The following MPP7 variants were observed in gnomAD, a reference collection of about 807,000 sequenced individuals.
MPP7 encodes the protein MAGUK p55 scaffold protein 7.
Under a neutral mutation model 76.5 loss-of-function variants are expected in MPP7, and 60 were observed. That is an observed-to-expected ratio of 0.78 (90% CI 0.64 to 0.97). The LOEUF (loss-of-function observed/expected upper bound fraction) is 0.97. MPP7 is among the 50% of genes least tolerant of loss of function. The pLI is 0.00. For missense variants in MPP7, 641 were observed against 694.0 expected (o/e 0.92, Z 0.86); for synonymous variants, 237 against 244.5 (o/e 0.97, Z 0.29).
chr10:28,168,881 C>T lies in MPP7; in HGVS notation c.157-18822G>A, dbSNP rs150223203. Reference sequence around the variant, plus strand: ...TTTCAAATTTATATTCATAACCCATCTAAAATTGATTTTGGTTTATGATGT... The same window carrying T: ...TTTCAAATTTATATTCATAACCCATTTAAAATTGATTTTGGTTTATGATGT... On this transcript the variant is annotated intron_variant, in intron 3 of 16. Transcript: ENST00000683449. Among the ~76,000 whole-genome samples, 376 of 152,280 alleles carry T rather than the reference C, an allele frequency of 2.5e-3. 1 individual carries two copies. The highest frequency in any genetic ancestry group is 2.7e-3 in the Non-Finnish European group (183 of 68,032).
intron 13 of MPP7, among the ~76,000 whole-genome samples, chr10:28,064,926 A>G (rs1224415407): frequency 1.3e-5 from 2 of 152,138 alleles, no homozygotes; most frequent in Non-Finnish European, 2.9e-5. Flanking sequence ...GCAGCAGAAA[A>G]ATACCCTACT....
Position 28,124,080 on chromosome 10 carries a change from T to C in MPP7, c.566A>G (p.Asn189Ser), listed in dbSNP as rs747368673. The change falls in exon 8 of 17, where the codon AAC (asparagine) becomes AGC (serine). Residue 189 changes from asparagine (N) to serine (S), a missense_variant. Transcript: ENST00000683449. Reference protein sequence around the residue: ...IHVGDELREVNGIPVEDKRPE... With the variant: ...IHVGDELREVSGIPVEDKRPE... ...CCTTTTATCCTCCACTGGTATCCCG[T>C]TGACTTCCCTAAGTTCATCACCAAC... The C allele has an allele frequency of 2.4e-5, 39 of 1,612,758 alleles. No individual in the cohort carries two copies. Among genetic ancestry groups the C allele is most frequent in the Non-Finnish European group, 2.3e-5 (27 of 1,178,948 alleles).
intron 11 of MPP7, among the ~76,000 whole-genome samples, chr10:28,113,180 CACT>C: frequency 6.6e-6 from 1 of 152,288 alleles, no homozygotes; most frequent in Admixed American, 6.5e-5. Flanking sequence ...TCTTTACACC[CACT>C]ATTTAGAACT....
At chr10:28,256,327 G>GAAA (rs200425685) in intron 1 of MPP7, among the ~76,000 whole-genome samples, 1 of 99,970 alleles carries the variant, frequency 1.0e-5, no homozygotes, top group African/African-American at 3.5e-5. Flanking sequence ...TGCTTTCAGG[G>GAAA]AAAAAAAAAA....
At chr10:28,096,977 TCTC>T (rs1853599572) in intron 11 of MPP7, among the ~76,000 whole-genome samples, 1 of 151,036 alleles carries the variant, frequency 6.6e-6, no homozygotes, top group Non-Finnish European at 1.5e-5. Flanking sequence ...AAATTTAGCT[TCTC>T]TTTTTATTTT....
chr10:28,142,793 C>G (rs1232069358), intron 5 of MPP7, among the ~76,000 whole-genome samples: 2 of 152,092 alleles, frequency 1.3e-5, no homozygotes, highest in Non-Finnish European at 2.9e-5. Context: ...TAAATTGCAA[C>G]AGCATAGGGA....
intron 1 of MPP7, among the ~76,000 whole-genome samples, chr10:28,289,717 G>A (rs1840868743): frequency 6.6e-6 from 1 of 152,178 alleles, no homozygotes; most frequent in South Asian, 2.1e-4. Context: ...TGGAGAAATG[G>A]AGAAAAGGTT....
At chr10:28,317,608 C>T (rs976151233) in intron 2 of MPP7, among the ~76,000 whole-genome samples, 4 of 152,258 alleles carry the variant, frequency 2.6e-5, no homozygotes, top group Admixed American at 6.5e-5. Flanking sequence ...CTCCTGACTT[C>T]TAACCACAAT....
chr10:28,152,467 G>C (rs1835916133), intron 3 of MPP7, among the ~76,000 whole-genome samples: 1 of 152,106 alleles, frequency 6.6e-6, no homozygotes, highest in East Asian at 1.9e-4. Flanking sequence ...AGAAAAAAAT[G>C]ATTTTTCAAT....
chr10:28,144,053 G>C (rs926559793), intron 5 of MPP7, among the ~76,000 whole-genome samples: 2 of 152,006 alleles, frequency 1.3e-5, no homozygotes, highest in Non-Finnish European at 2.9e-5. Context: ...ACCATACCCG[G>C]GATTTTTGTA....
intron 3 of MPP7, among the ~76,000 whole-genome samples, chr10:28,158,273 G>A (rs1836136868): frequency 6.6e-6 from 1 of 152,146 alleles, no homozygotes; most frequent in Non-Finnish European, 1.5e-5. Flanking sequence ...TCAAAGAGAT[G>A]GGTGAAATGT....
chr10:28,135,422 G>A (rs1385295957), intron 5 of MPP7, among the ~76,000 whole-genome samples: 2 of 152,136 alleles, frequency 1.3e-5, no homozygotes, highest in Admixed American at 1.3e-4. Context: ...GGAGCCATTG[G>A]CAATATCTGG....
intron 3 of MPP7, among the ~76,000 whole-genome samples, chr10:28,200,772 T>A (rs975723990): frequency 6.6e-6 from 1 of 152,214 alleles, no homozygotes. Flanking sequence ...ACAGATATTA[T>A]AACTTTAATT....
At chr10:28,251,375 T>C (rs973588231) in intron 1 of MPP7, among the ~76,000 whole-genome samples, 10 of 152,006 alleles carry the variant, frequency 6.6e-5, no homozygotes, top group African/African-American at 1.7e-4. Context: ...GGCAGGATAA[T>C]TGCTTGAACC....
rs190008975 is a variant in MPP7, at chr10:28,104,539, T to A, written c.953-14698A>T. Among the ~76,000 whole-genome samples the A allele has an allele frequency of 4.1e-3, 625 of 152,338 alleles. 1 individual carries two copies. The highest frequency in any genetic ancestry group is 8.9e-3 in the South Asian group (43 of 4,828). On this transcript the variant is annotated intron_variant, in intron 11 of 16. Transcript: ENST00000683449. ...GGGGGAAAAATAGAATTCCACAAGA[T>A]AATTTTCTCAAGCTATTTGTAACAA...
At position 28,201,338 on chromosome 10, in the gene MPP7, C is replaced by A. The variant is rs528082505; in HGVS notation, c.156+815G>T. On this transcript the variant is annotated intron_variant, in intron 3 of 16. Transcript: ENST00000683449. ...AAAAGCCTCTTATCATGACAGGCAGCCATAACAAAGTTAGCTGAATTTAAA... is the reference window on the plus strand; with the variant it reads ...AAAAGCCTCTTATCATGACAGGCAGACATAACAAAGTTAGCTGAATTTAAA... Among the ~76,000 whole-genome samples the A allele has an allele frequency of 3.3e-5, 5 of 152,174 alleles. No homozygotes were observed. In the South Asian group the frequency reaches 1.0e-3, roughly 32 times the overall value.
At chr10:28,061,274 A>T (rs2133332842) in intron 13 of MPP7, among the ~76,000 whole-genome samples, 1 of 152,314 alleles carries the variant, frequency 6.6e-6, no homozygotes, top group African/African-American at 2.4e-5. Flanking sequence ...AACAGGTACC[A>T]TAACTAAGCT....
rs150604215 is a variant in MPP7 at position 28,321,037 on chromosome 10, G to A, written c.-132+8892C>T. ...TGCTTGGAGAAGCTTCCTCCCCACC[G>A]GGGAGATAGGCAGTTCCTCACTCCC... On this transcript the variant is annotated intron_variant, in intron 2 of 11. Transcript: ENST00000441595. 1.9e-3 allele frequency among the ~76,000 whole-genome samples: 292 copies of A among 152,140 alleles called. 2 individuals carry two copies. In the East Asian group the frequency reaches 0.031, roughly 16 times the overall value.
chr10:28,300,822 G>A (rs1841137191), intron 1 of MPP7, among the ~76,000 whole-genome samples: 1 of 151,836 alleles, frequency 6.6e-6, no homozygotes. Context: ...AGCTGGGCGT[G>A]GTGGCATGCG....
Sources: gnomAD v4.1 joint callset for allele counts (sites outside exome capture counted in the v4.1 genomes callset) on GRCh38, gnomAD v4.1.1 for gene constraint, MANE v1.5 for transcripts, NCBI Gene and HGNC (gene_info 2026-07-23, HGNC 2026-07-21) for gene names.